Variants in ANKFN1 observed in about 807,000 individuals in gnomAD.
ANKFN1 encodes ankyrin repeat and fibronectin type-III domain-containing protein 1.
ANKFN1 carries 74 observed loss-of-function variants against 108.7 expected under a neutral mutation model. The observed-to-expected ratio is 0.68, with a 90% CI of 0.56 to 0.83. The LOEUF is 0.83. Among genes scored for constraint, ANKFN1 ranks in the 40% least tolerant of loss-of-function variants. The probability of loss-of-function intolerance (pLI) is 0.00; values close to 1 mark genes in which losing one functional copy is unlikely to be tolerated. For missense variants in ANKFN1, 1,505 were observed against 1,382.3 expected (o/e 1.09, Z -1.41); for synonymous variants, 547 against 516.2 (o/e 1.06, Z -0.81).
At chr17:56,337,749 A>G (rs1369933819) in intron 4 of ANKFN1, among the ~76,000 whole-genome samples, 2 of 152,214 alleles carry the variant, frequency 1.3e-5, no homozygotes, top group African/African-American at 2.4e-5. Flanking sequence ...TCAAACCACA[A>G]TGAGATACCA....
intron 3 of ANKFN1, among the ~76,000 whole-genome samples, chr17:56,267,558 G>A (rs1029212367): frequency 2.0e-5 from 3 of 152,142 alleles, no homozygotes; most frequent in African/African-American, 7.2e-5. Context: ...TCTATCTTGA[G>A]TTGATTTTTG....
At chr17:56,047,596 C>G (rs892272381) in intron 4 of ANKFN1, among the ~76,000 whole-genome samples, 1 of 152,002 alleles carries the variant, frequency 6.6e-6, no homozygotes, top group Non-Finnish European at 1.5e-5. Context: ...GGGATGGGAA[C>G]TGGGGAGAGG....
chr17:56,195,688 T>A (rs375832240), intron 1 of ANKFN1, among the ~76,000 whole-genome samples: 1 of 152,332 alleles, frequency 6.6e-6, no homozygotes, highest in African/African-American at 2.4e-5. Context: ...CAAGGGTCTA[T>A]GACAGCAGCC....
rs751572830 is a variant in ANKFN1, at chr17:56,353,966, C to T, written c.521C>T (p.Pro174Leu). ...ACACCTAACAGCGAGGGCTTGACAC[C>T]CCTGGATATTGCCATCATGACCAAC... ...LNTPNSEGLT[P>L]LDIAIMTNNV... Residue 174 changes from proline (P) to leucine (L), a missense_variant, in exon 6 of 21, where the codon CCC becomes CTC. Transcript: ENST00000682825. 10 of 1,613,836 alleles carry T rather than the reference C, an allele frequency of 6.2e-6. No homozygotes were observed. The highest frequency in any genetic ancestry group is 8.5e-6 in the Non-Finnish European group (10 of 1,179,974).
At chr17:56,179,321 C>G (rs551688857) in intron 1 of ANKFN1, among the ~76,000 whole-genome samples, 1 of 152,322 alleles carries the variant, frequency 6.6e-6, no homozygotes, top group East Asian at 1.9e-4. Context: ...AAAACAAACT[C>G]TCCTGTGTTT....
At chr17:56,467,819 A>AAAAAGAAAG (rs2050169162) in intron 15 of ANKFN1, among the ~76,000 whole-genome samples, 4 of 45,478 alleles carry the variant, frequency 8.8e-5, no homozygotes, top group African/African-American at 2.6e-4. Context: ...AGAAAGAAAG[A>AAAAAGAAAG]AAGAAAGAAA....
intron 4 of ANKFN1, among the ~76,000 whole-genome samples, chr17:56,147,897 A>G (rs1025130510): frequency 1.3e-5 from 2 of 152,184 alleles, no homozygotes; most frequent in Admixed American, 1.3e-4. Flanking sequence ...TCTACTTGCC[A>G]CTTTAATAAG....
At chr17:56,302,220 C>G (rs980743330) in intron 3 of ANKFN1, among the ~76,000 whole-genome samples, 1 of 152,302 alleles carries the variant, frequency 6.6e-6, no homozygotes, top group South Asian at 2.1e-4. Flanking sequence ...AAACACAAGT[C>G]TGTTAACCTC....
chr17:56,148,971 G>A (rs1384636684), upstream of ANKFN1, among the ~76,000 whole-genome samples: 1 of 152,168 alleles, frequency 6.6e-6, no homozygotes, highest in African/African-American at 2.4e-5. Context: ...ATATTCAGAT[G>A]AGGTAACTGC....
intron 6 of ANKFN1, among the ~76,000 whole-genome samples, chr17:56,355,879 C>G (rs1279837784): frequency 6.6e-6 from 1 of 152,066 alleles, no homozygotes; most frequent in Non-Finnish European, 1.5e-5. Context: ...CAGCCATCAC[C>G]ACCATCAATT....
At chr17:56,127,336 G>GAC (rs142006638) in intron 4 of ANKFN1, among the ~76,000 whole-genome samples, 5,240 of 152,020 alleles carry the variant, frequency 0.034, 275 homozygotes, top group African/African-American at 0.12. Context: ...TACTTTTTGA[G>GAC]AGACTCTTGC....
intron 10 of ANKFN1, among the ~76,000 whole-genome samples, chr17:56,444,668 C>T (rs1270207332): frequency 1.3e-5 from 2 of 152,084 alleles, no homozygotes; most frequent in African/African-American, 2.4e-5. Flanking sequence ...ATTTAATCTT[C>T]GTAAGGTACC....
chr17:56,483,722 C>G (rs1175232671), intron 18 of ANKFN1, among the ~76,000 whole-genome samples: 1 of 152,136 alleles, frequency 6.6e-6, no homozygotes, highest in African/African-American at 2.4e-5. Context: ...TCCCAAGAGG[C>G]CTGGATGTGA....
At chr17:56,320,931 G>A (rs1377098973) in intron 3 of ANKFN1, among the ~76,000 whole-genome samples, 1 of 152,066 alleles carries the variant, frequency 6.6e-6, no homozygotes, top group Non-Finnish European at 1.5e-5. Context: ...CCAAGACTTA[G>A]AGAAAAATTC....
upstream of ANKFN1, among the ~76,000 whole-genome samples, chr17:56,150,720 A>G (rs16956773): frequency 0.13 from 20,342 of 151,970 alleles, 1,525 homozygotes; most frequent in East Asian, 0.28. Flanking sequence ...CTGCCACTGT[A>G]GTGTAACATA....
intron 2 of ANKFN1, among the ~76,000 whole-genome samples, chr17:56,213,662 T>C (rs966812120): frequency 1.3e-5 from 2 of 152,216 alleles, no homozygotes; most frequent in African/African-American, 2.4e-5. Flanking sequence ...GAGTAACACA[T>C]TTCAACTTTC....
intron 8 of ANKFN1, among the ~76,000 whole-genome samples, chr17:56,387,911 G>C (rs1186388928): frequency 6.6e-6 from 1 of 152,008 alleles, no homozygotes; most frequent in East Asian, 1.9e-4. Flanking sequence ...CTCAATCTAA[G>C]AGTCTGTCTT....
At chr17:56,151,077 C>T (rs1487646193), upstream of ANKFN1, among the ~76,000 whole-genome samples, 1 of 152,130 alleles carries the variant, frequency 6.6e-6, no homozygotes, top group Non-Finnish European at 1.5e-5. Context: ...TGAGTGTTTC[C>T]AGGCTAAGAG....
Position 56,448,942 on chromosome 17 carries a change from G to C in ANKFN1, c.1100-137G>C, listed in dbSNP as rs571141016. The C allele has an allele frequency of 8.0e-6, 5 of 623,578 alleles. No individual in the cohort carries two copies. In the South Asian group the frequency reaches 8.3e-5, roughly 10 times the overall value. 38.6% of individuals were successfully genotyped at this position (623,578 alleles called of 1,614,324 possible). A position where few individuals can be genotyped will look rare whatever the true frequency, so the allele number is the denominator to read the frequency against. Reference sequence around the variant, plus strand: ...AGCTTCCAAATCCTTGGCATCGCCTGCTTGCTCTGCATGTGCGGGGTGCTC... The same window carrying C: ...AGCTTCCAAATCCTTGGCATCGCCTCCTTGCTCTGCATGTGCGGGGTGCTC... On this transcript the variant is annotated intron_variant, in intron 10 of 20. Coordinates refer to ENST00000682825, the MANE Select transcript of ANKFN1 (RefSeq NM_001370326.1).
Sources: gnomAD v4.1 joint callset for allele counts (sites outside exome capture counted in the v4.1 genomes callset) on GRCh38, gnomAD v4.1.1 for gene constraint, MANE v1.5 for transcripts, NCBI Gene and HGNC (gene_info 2026-07-23, HGNC 2026-07-21) for gene names.